The following MME variants were observed in gnomAD, a reference collection of about 807,000 sequenced individuals.
MME encodes the protein membrane metalloendopeptidase, also known as neprilysin.
Under a neutral mutation model 113.2 loss-of-function variants are expected in MME, and 98 were observed. The ratio of observed to expected loss-of-function variants is 0.87; its 90% CI spans 0.74 to 1.02. The LOEUF is 1.02. MME is among the 50% of genes least tolerant of loss of function. MME has a pLI of 0.00. For synonymous variants in MME, 292 were observed against 300.6 expected (o/e 0.97, Z 0.30); for missense variants, 836 against 896.0 (o/e 0.93, Z 0.86).
intron 3 of MME, among the ~76,000 whole-genome samples, chr3:155,088,647 C>T (rs1715995208): frequency 7.4e-6 from 1 of 135,588 alleles, no homozygotes; most frequent in Admixed American, 8.3e-5. Flanking sequence ...TGCGCCATTG[C>T]ACTACAGCCT....
At chr3:155,122,351 A>G (rs1719226379) in intron 8 of MME, among the ~76,000 whole-genome samples, 2 of 144,046 alleles carry the variant, frequency 1.4e-5, no homozygotes, top group African/African-American at 5.1e-5. Flanking sequence ...AATTTTGTTG[A>G]TCCTTTCAAA....
chr3:155,113,332 T>C (rs1207306426), intron 3 of MME, among the ~76,000 whole-genome samples: 2 of 152,170 alleles, frequency 1.3e-5, no homozygotes, highest in African/African-American at 2.4e-5. Context: ...CAGGCTGGAG[T>C]GCAGTGGCGC....
intron 1 of MME, among the ~76,000 whole-genome samples, chr3:155,056,085 A>G (rs1713916910): frequency 6.6e-6 from 1 of 151,976 alleles, no homozygotes; most frequent in Non-Finnish European, 1.5e-5. Context: ...TTGTTGGTTC[A>G]TAGAAAGGGA....
At chr3:155,124,127 C>T (rs1719391103) in intron 8 of MME, among the ~76,000 whole-genome samples, 2 of 148,364 alleles carry the variant, frequency 1.3e-5, no homozygotes, top group African/African-American at 5.0e-5. Context: ...TCTTTTTATT[C>T]GTTTTTCTCT....
intron 8 of MME, among the ~76,000 whole-genome samples, chr3:155,130,717 G>C (rs985861012): frequency 6.6e-6 from 1 of 152,160 alleles, no homozygotes; most frequent in Non-Finnish European, 1.5e-5. Flanking sequence ...CTGGAACTGG[G>C]ATTAAACAAG....
At chr3:155,153,866 A>C (rs1196185046) in intron 16 of MME, among the ~76,000 whole-genome samples, 1 of 152,178 alleles carries the variant, frequency 6.6e-6, no homozygotes, top group Non-Finnish European at 1.5e-5. Context: ...AGAGGAGAAC[A>C]AGATGTTGCC....
intron 1 of MME, among the ~76,000 whole-genome samples, chr3:155,061,374 C>T (rs185259269): frequency 6.8e-6 from 1 of 147,694 alleles, no homozygotes; most frequent in African/African-American, 2.5e-5. Context: ...TGGCGTGAAC[C>T]AGGGAGGCGG....
chr3:155,164,041 G>A (rs367937103), intron 17 of MME, among the ~76,000 whole-genome samples: 14 of 151,786 alleles, frequency 9.2e-5, no homozygotes, highest in African/African-American at 3.1e-4. Flanking sequence ...CTACTTGAGA[G>A]GCTGAGGTGG....
chr3:155,077,880 C>T (rs1409572983), upstream of MME, among the ~76,000 whole-genome samples: 1 of 151,678 alleles, frequency 6.6e-6, no homozygotes, highest in Non-Finnish European at 1.5e-5. Context: ...TTTTGTCATA[C>T]ATTTTAAGTA....
intron 1 of MME, among the ~76,000 whole-genome samples, chr3:155,037,625 A>G (rs961530234): frequency 6.6e-6 from 1 of 152,166 alleles, no homozygotes; most frequent in Non-Finnish European, 1.5e-5. Context: ...AGGAAGAACT[A>G]AGGAAGGAGG....
At chr3:155,075,965 T>C (rs552129926), upstream of MME, among the ~76,000 whole-genome samples, 70 of 152,266 alleles carry the variant, frequency 4.6e-4, no homozygotes, top group Non-Finnish European at 8.8e-4. Context: ...TGTTACTATA[T>C]TCTTTGCTTA....
chr3:155,064,685 T>A (rs1336770141), intron 1 of MME, among the ~76,000 whole-genome samples: 1 of 152,202 alleles, frequency 6.6e-6, no homozygotes, highest in Non-Finnish European at 1.5e-5. Flanking sequence ...ATCTACTTAA[T>A]GAGCTCCTAG....
At chr3:155,096,121 G>C (rs1238248472) in intron 3 of MME, among the ~76,000 whole-genome samples, 1 of 152,162 alleles carries the variant, frequency 6.6e-6, no homozygotes, top group Non-Finnish European at 1.5e-5. Context: ...CTTGATACTA[G>C]AGAAGTAACC....
intron 22 of MME, among the ~76,000 whole-genome samples, chr3:155,177,133 A>C (rs186720731): frequency 6.5e-4 from 99 of 152,322 alleles, no homozygotes; most frequent in African/African-American, 2.4e-3. Context: ...TTTAAGAAAA[A>C]TATAGAATTA....
intron 3 of MME, among the ~76,000 whole-genome samples, chr3:155,107,293 C>T (rs1178265289): frequency 6.8e-6 from 1 of 146,624 alleles, no homozygotes; most frequent in Non-Finnish European, 1.5e-5. Flanking sequence ...GTGGAGGTTG[C>T]AGTGAGCCGA....
intron 1 of MME, among the ~76,000 whole-genome samples, chr3:155,065,582 G>T (rs554361088): frequency 4.6e-5 from 7 of 152,098 alleles, no homozygotes; most frequent in Admixed American, 6.5e-5. Context: ...ATATAAATAA[G>T]GTGAAATTTT....
chr3:155,081,641 G>A (rs1330988669), intron 1 of MME: 3 of 134,750 alleles, frequency 2.2e-5, no homozygotes, highest in Non-Finnish European at 4.8e-5. Context: ...GTATTCTTTT[G>A]TTTACTTGTC....
chr3:155,139,577 T>G (rs983761179), intron 9 of MME, among the ~76,000 whole-genome samples: 11 of 152,216 alleles, frequency 7.2e-5, no homozygotes, highest in African/African-American at 2.7e-4. Context: ...TATTGCAATT[T>G]TTCTTTTTAA....
At chr3:155,088,412 G>A (rs1329036166) in intron 3 of MME, among the ~76,000 whole-genome samples, 5 of 152,130 alleles carry the variant, frequency 3.3e-5, no homozygotes, top group Non-Finnish European at 5.9e-5. Context: ...GGCTGGGCAC[G>A]GTGGCTCACG....
Sources: allele counts gnomAD v4.1 joint callset (sites outside exome capture counted in the v4.1 genomes callset), GRCh38; gene constraint gnomAD v4.1.1; transcripts MANE v1.5; gene names NCBI Gene and HGNC (gene_info 2026-07-23, HGNC 2026-07-21).